The following ULK4 variants were observed in gnomAD, a reference collection of about 807,000 sequenced individuals.
ULK4 encodes inactive serine/threonine-protein kinase ULK4.
Under a neutral mutation model 160.6 loss-of-function variants are expected in ULK4, and 133 were observed. The observed-to-expected ratio is 0.83, with a 90% CI of 0.72 to 0.96. The LOEUF (loss-of-function observed/expected upper bound fraction) is 0.96, where lower values mean the gene tolerates loss of function less well. Ranked by LOEUF, ULK4 falls within the 40% of genes least tolerant of loss-of-function variation. The pLI is 0.00. For missense variants in ULK4, 1,580 were observed against 1,499.5 expected, an observed-to-expected ratio of 1.05 and a Z score of -0.89; for synonymous variants, 534 against 539.8, an observed-to-expected ratio of 0.99 and a Z score of 0.15.
intron 21 of ULK4, among the ~76,000 whole-genome samples, chr3:41,770,670 C>A (rs1012182871): frequency 6.6e-6 from 1 of 152,060 alleles, no homozygotes; most frequent in African/African-American, 2.4e-5. Context: ...ACTACCACGA[C>A]AGGCTAATTT....
chr3:41,883,478 C>A (rs1367574177), intron 17 of ULK4, among the ~76,000 whole-genome samples: 1 of 152,200 alleles, frequency 6.6e-6, no homozygotes, highest in Non-Finnish European at 1.5e-5. Flanking sequence ...AGAAAGTAAT[C>A]TTTCATACGA....
At chr3:41,809,360 A>C (rs1361436177) in intron 19 of ULK4, among the ~76,000 whole-genome samples, 4 of 141,210 alleles carry the variant, frequency 2.8e-5, no homozygotes, top group African/African-American at 1.2e-4. Context: ...TGAATTACTA[A>C]AACAATAAAA....
rs1454603065 is a variant in ULK4 at position 41,438,281 on chromosome 3, C to CT, written c.3492+17215dup. Reference sequence around the variant, plus strand: ...GTGTGACATAAATCAGACCATATAACTTTTTTTGTAACCAGATTTTGGCAC... The same window carrying CT: ...GTGTGACATAAATCAGACCATATAACTTTTTTTTGTAACCAGATTTTGGCAC... On this transcript the variant is annotated intron_variant, in intron 34 of 36. Transcript: ENST00000301831. 8.6e-5 allele frequency among the ~76,000 whole-genome samples: 13 copies of CT among 151,990 alleles called. No homozygotes were observed. The East Asian group carries it at 2.5e-3, about 29-fold the overall frequency.
chr3:41,463,299 C>A (rs750158205), intron 32 of ULK4, 46 bp from the exon 33 acceptor site: 55 of 1,576,696 alleles, frequency 3.5e-5, no homozygotes, highest in Non-Finnish European at 4.2e-5. Flanking sequence ...ATTAAGTACA[C>A]AAATGTGTCA....
intron 34 of ULK4, among the ~76,000 whole-genome samples, chr3:41,417,352 G>C (rs190865025): frequency 1.2e-4 from 19 of 152,284 alleles, no homozygotes; most frequent in Middle Eastern, 3.4e-3. Context: ...AATATGTCTA[G>C]AAGCTCAGGC....
chr3:41,761,702 A>C (rs1371558107), intron 21 of ULK4, among the ~76,000 whole-genome samples: 3 of 152,138 alleles, frequency 2.0e-5, no homozygotes, highest in African/African-American at 4.8e-5. Flanking sequence ...TGTTCCTTTA[A>C]GTTGATCATA....
chr3:41,431,667 A>G (rs2082913227), intron 34 of ULK4, among the ~76,000 whole-genome samples: 2 of 151,350 alleles, frequency 1.3e-5, no homozygotes, highest in South Asian at 4.2e-4. Flanking sequence ...AGGTGACCCA[A>G]CTGAATCAGA....
chr3:41,636,111 C>A (rs576539532), intron 30 of ULK4, among the ~76,000 whole-genome samples: 3 of 149,860 alleles, frequency 2.0e-5, no homozygotes, highest in East Asian at 3.9e-4. Context: ...GGACAACTTA[C>A]ATAAACTCTG....
intron 30 of ULK4, among the ~76,000 whole-genome samples, chr3:41,653,456 AT>A: frequency 6.6e-6 from 1 of 152,166 alleles, no homozygotes; most frequent in South Asian, 2.1e-4. Flanking sequence ...GTAACGAACT[AT>A]TTTTTCAATG....
At chr3:41,514,028 C>T (rs2085671716) in intron 32 of ULK4, among the ~76,000 whole-genome samples, 1 of 152,116 alleles carries the variant, frequency 6.6e-6, no homozygotes, top group Non-Finnish European at 1.5e-5. Context: ...TGGGTTCCAA[C>T]TGTTTGCTTC....
chr3:41,749,149 T>G (rs2038526492), intron 22 of ULK4, among the ~76,000 whole-genome samples: 2 of 152,222 alleles, frequency 1.3e-5, no homozygotes, highest in South Asian at 4.1e-4. Flanking sequence ...CAGGGTGGTA[T>G]TCAATAAATT....
chr3:41,926,463 C>T (rs973586125), intron 5 of ULK4, among the ~76,000 whole-genome samples: 131 of 152,198 alleles, frequency 8.6e-4, no homozygotes, highest in African/African-American at 3.0e-3. Flanking sequence ...CACAACTCCT[C>T]GCCAGCAAAG....
chr3:41,524,918 T>C lies in ULK4; in HGVS notation c.3226+41107A>G, dbSNP rs567437895. On this transcript the variant is annotated intron_variant, in intron 32 of 36. Transcript: ENST00000301831. ...GCGTCACTGCACTCCAGTCTGGCGA[T>C]AGAGCAAGACTCTGTCTCCAAAAAG... Among the ~76,000 whole-genome samples the C allele has an allele frequency of 8.0e-4, 122 of 152,006 alleles. 1 individual carries two copies. The highest frequency in any genetic ancestry group is 1.5e-3 in the Non-Finnish European group (101 of 67,980).
chr3:41,520,347 T>C (rs932905726), intron 32 of ULK4, among the ~76,000 whole-genome samples: 1 of 152,164 alleles, frequency 6.6e-6, no homozygotes, highest in Non-Finnish European at 1.5e-5. Flanking sequence ...TCAGTTAATG[T>C]AATGTTTTCA....
At chr3:41,499,726 A>C (rs1023396372) in intron 32 of ULK4, among the ~76,000 whole-genome samples, 1 of 152,224 alleles carries the variant, frequency 6.6e-6, no homozygotes, top group Non-Finnish European at 1.5e-5. Flanking sequence ...GGAGCAAAAA[A>C]ATAACATGTG....
At chr3:41,616,702 CTGTT>C (rs2125684177) in intron 30 of ULK4, among the ~76,000 whole-genome samples, 1 of 152,274 alleles carries the variant, frequency 6.6e-6, no homozygotes, top group African/African-American at 2.4e-5. Flanking sequence ...AACTGGGAGG[CTGTT>C]TGGGCATTCA....
At position 41,579,477 on chromosome 3, in the gene ULK4, GAACT is replaced by G. The variant is rs1383006869; in HGVS notation, c.3121-13351_3121-13348del. On this transcript the variant is annotated intron_variant, in intron 31 of 36. Transcript: ENST00000301831. Reference sequence around the variant, plus strand: ...CAAGGCAGCTATTCACTTCAATCTGGAACTAATATTTTTTTTTTTTTTTTTTTTT... The same window carrying G: ...CAAGGCAGCTATTCACTTCAATCTGGAATATTTTTTTTTTTTTTTTTTTTT... Among the ~76,000 whole-genome samples the G allele has an allele frequency of 1.2e-4, 17 of 141,944 alleles. 1 individual carries two copies. In the East Asian group the frequency reaches 3.6e-3, roughly 30 times the overall value. 93.1% of individuals were successfully genotyped at this position (141,944 alleles called of 152,430 possible). A position where few individuals can be genotyped will look rare whatever the true frequency, so the allele number is the denominator to read the frequency against.
intron 32 of ULK4, among the ~76,000 whole-genome samples, chr3:41,483,903 C>A (rs2084415439): frequency 6.6e-6 from 1 of 152,148 alleles, no homozygotes; most frequent in South Asian, 2.1e-4. Context: ...GGACCAGAAG[C>A]CAAAGAATGC....
chr3:41,520,659 A>G (rs906461702), intron 32 of ULK4, among the ~76,000 whole-genome samples: 8 of 152,190 alleles, frequency 5.3e-5, no homozygotes, highest in Non-Finnish European at 1.0e-4. Flanking sequence ...CGGCTGAACC[A>G]TTTTACATTT....
Sources: allele counts gnomAD v4.1 joint callset (sites outside exome capture counted in the v4.1 genomes callset), GRCh38; gene constraint gnomAD v4.1.1; transcripts MANE v1.5; gene names NCBI Gene and HGNC (gene_info 2026-07-23, HGNC 2026-07-21).